Variants in EXOC4 observed in about 807,000 individuals in gnomAD.
EXOC4 encodes SEC8-like 1.
EXOC4 carries 71 observed loss-of-function variants against 107.2 expected under a neutral mutation model. The ratio of observed to expected loss-of-function variants is 0.66; its 90% confidence interval spans 0.55 to 0.81. The LOEUF (loss-of-function observed/expected upper bound fraction) is 0.81, where lower values mean the gene tolerates loss of function less well. Ranked by LOEUF, EXOC4 falls within the 30% of genes least tolerant of loss-of-function variation. The pLI, the probability that EXOC4 is intolerant of heterozygous loss-of-function variation, is 0.00. For missense variants in EXOC4, 1,108 were observed against 1,189.6 expected (o/e 0.93, Z 1.01); for synonymous variants, 456 against 441.2 (o/e 1.03, Z -0.42).
intron 10 of EXOC4, among the ~76,000 whole-genome samples, chr7:133,745,707 ACT>A (rs1188008501): frequency 1.4e-5 from 2 of 140,448 alleles, no homozygotes; most frequent in Non-Finnish European, 3.1e-5. Flanking sequence ...GCCTCCTGTT[ACT>A]CTTTTTTTTT....
chr7:133,454,355 A>G (rs541735945), intron 7 of EXOC4, among the ~76,000 whole-genome samples: 88 of 152,064 alleles, frequency 5.8e-4, no homozygotes, highest in Admixed American at 8.5e-4. Context: ...TTGGGGTGCA[A>G]TGGTGTGATC....
chr7:134,064,311 A>G lies in EXOC4; in HGVS notation c.2708A>G (p.Tyr903Cys). ...CTCAGGCAGTACTACGAGATGCTTT[A>G]CAACACAGCTGACGAGCTCCTGAAC... The part of the protein sequence containing the change: ...DFARQYYEML[Y>C]NTADELLNLV... Residue 903 changes from tyrosine to cysteine, a missense_variant, in exon 18 of 18, where the codon TAC (tyrosine) becomes TGC (cysteine). By Grantham distance (194) the Tyr-to-Cys change is radical. Coordinates refer to ENST00000253861, the MANE Select transcript of EXOC4 (RefSeq NM_021807.4). 6.8e-7 allele frequency: 1 copy of G among 1,477,468 alleles called. No individual in the cohort carries two copies. The highest frequency in any genetic ancestry group is 9.0e-7 in the Non-Finnish European group (1 of 1,105,042). 91.5% of individuals were successfully genotyped at this position (1,477,468 alleles called of 1,614,324 possible).
chr7:133,561,689 CT>C (rs1325252070), intron 9 of EXOC4, among the ~76,000 whole-genome samples: 2 of 152,190 alleles, frequency 1.3e-5, no homozygotes, highest in African/African-American at 4.8e-5. Flanking sequence ...TTAACACATT[CT>C]CCCCATGTCT....
intron 9 of EXOC4, chr7:133,480,504 G>C: frequency 7.8e-6 from 8 of 1,024,204 alleles, no homozygotes; most frequent in Non-Finnish European, 9.6e-6. Flanking sequence ...AATATGACAG[G>C]AGTACCTGAG....
intron 6 of EXOC4, among the ~76,000 whole-genome samples, chr7:133,357,872 T>C (rs1796056486): frequency 6.6e-6 from 1 of 152,150 alleles, no homozygotes. Flanking sequence ...CCTTTATCCT[T>C]CTCCTGCCAC....
rs75115894 is a variant in EXOC4 at position 133,482,037 on chromosome 7, C to A, written c.1417+1899C>A. On this transcript the variant is annotated intron_variant, in intron 9 of 17. Coordinates refer to ENST00000253861, the MANE Select transcript of EXOC4 (RefSeq NM_021807.4). ...ACTCACGGTATCCTAATTTTAATTTCTCTTCAGATTTGCCTTAAGGAATAG... is the reference window on the plus strand; with the variant it reads ...ACTCACGGTATCCTAATTTTAATTTATCTTCAGATTTGCCTTAAGGAATAG... Among the ~76,000 whole-genome samples, 13 of 152,272 alleles carry A rather than the reference C, an allele frequency of 8.5e-5. No individual in the cohort carries two copies. The East Asian group carries it at 2.1e-3, about 25-fold the overall frequency.
At chr7:133,521,373 T>C (rs1012940628) in intron 9 of EXOC4, among the ~76,000 whole-genome samples, 1 of 152,200 alleles carries the variant, frequency 6.6e-6, no homozygotes, top group Non-Finnish European at 1.5e-5. Flanking sequence ...ATTCGTCTTA[T>C]CTACTTAAAA....
At chr7:133,581,280 T>C (rs1293432847) in intron 9 of EXOC4, among the ~76,000 whole-genome samples, 1 of 152,212 alleles carries the variant, frequency 6.6e-6, no homozygotes, top group Non-Finnish European at 1.5e-5. Context: ...CTTCTACTGT[T>C]GTTAGGAACA....
At chr7:133,272,970 C>T (rs1793907192) in intron 1 of EXOC4, among the ~76,000 whole-genome samples, 1 of 152,104 alleles carries the variant, frequency 6.6e-6, no homozygotes, top group Admixed American at 6.5e-5. Context: ...ATTTTTTCCA[C>T]AAATGGTAGT....
At chr7:134,068,071 C>T (rs1393959844), downstream of EXOC4, among the ~76,000 whole-genome samples, 2 of 152,174 alleles carry the variant, frequency 1.3e-5, no homozygotes, top group East Asian at 1.9e-4. Flanking sequence ...CAGATCAGCT[C>T]AAGTTTAGTG....
At chr7:133,963,938 GA>G (rs900892563) in intron 14 of EXOC4, among the ~76,000 whole-genome samples, 44 of 152,250 alleles carry the variant, frequency 2.9e-4, no homozygotes, top group African/African-American at 1.0e-3. Context: ...CAATTATGGA[GA>G]AAAGAAGAAA....
rs966553734 is a variant in EXOC4 at position 133,281,428 on chromosome 7, G to A, written c.276+6257G>A. On this transcript the variant is annotated intron_variant, in intron 2 of 17. Transcript: ENST00000253861. ...TTACGGCAGGAGAAAACCTATGATA[G>A]TACTTATATGTAGATTTACTTTCGC... Among the ~76,000 whole-genome samples the A allele has an allele frequency of 1.2e-4, 18 of 147,582 alleles. 1 individual carries two copies. Among genetic ancestry groups the A allele is most frequent in the Admixed American group, 1.1e-3 (17 of 14,848 alleles).
At position 133,534,944 on chromosome 7, in the gene EXOC4, T is replaced by C. The variant is rs377177666; in HGVS notation, c.1417+54806T>C. 2.0e-5 allele frequency among the ~76,000 whole-genome samples: 3 copies of C among 152,274 alleles called. No homozygotes were observed. The East Asian group carries it at 5.8e-4, about 29-fold the overall frequency. On this transcript the variant is annotated intron_variant, in intron 9 of 17. Transcript: ENST00000253861. ...GTTGCTTACTTCTCAGTGATACTTG[T>C]ATAGATGTGTCAACAGATTTGATGT...
At chr7:133,639,546 A>C (rs548563637) in intron 10 of EXOC4, among the ~76,000 whole-genome samples, 1 of 152,282 alleles carries the variant, frequency 6.6e-6, no homozygotes, top group African/African-American at 2.4e-5. Flanking sequence ...TTATTTATTA[A>C]CCGAGAAAGG....
chr7:133,541,663 C>T (rs935306799), intron 9 of EXOC4, among the ~76,000 whole-genome samples: 3 of 151,658 alleles, frequency 2.0e-5, no homozygotes. Context: ...CCATGCGTGG[C>T]TAATTTTTTG....
intron 9 of EXOC4, among the ~76,000 whole-genome samples, chr7:133,604,518 ACCATCATGGTATATGCTGT>A (rs974171192): frequency 1.3e-3 from 191 of 152,134 alleles, no homozygotes; most frequent in Non-Finnish European, 4.6e-4. Flanking sequence ...ATGTTACAGG[ACCATCATGGTATATGCTGT>A]CCATCATTGT....
At chr7:133,604,538 C>A (rs1801884028) in intron 9 of EXOC4, among the ~76,000 whole-genome samples, 1 of 151,496 alleles carries the variant, frequency 6.6e-6, no homozygotes, top group South Asian at 2.1e-4. Flanking sequence ...TATATGCTGT[C>A]CATCATTGTC....
intron 9 of EXOC4, among the ~76,000 whole-genome samples, chr7:133,628,993 T>G (rs1022477803): frequency 6.6e-6 from 1 of 152,204 alleles, no homozygotes; most frequent in African/African-American, 2.4e-5. Flanking sequence ...AACAAGGACA[T>G]TGAAAACTCT....
chr7:133,992,036 G>T (rs998723805), intron 14 of EXOC4, among the ~76,000 whole-genome samples: 1 of 152,030 alleles, frequency 6.6e-6, no homozygotes, highest in Non-Finnish European at 1.5e-5. Flanking sequence ...TCTGTAGGTT[G>T]CTTTTGGTAC....
Sources: gnomAD v4.1 joint callset for allele counts (sites outside exome capture counted in the v4.1 genomes callset) on GRCh38, gnomAD v4.1.1 for gene constraint, MANE v1.5 for transcripts, NCBI Gene and HGNC (gene_info 2026-07-23, HGNC 2026-07-21) for gene names.